Variants in BRF1 observed in about 807,000 individuals in gnomAD.
BRF1 encodes the protein BRF1 general transcription factor IIIB subunit, also known as transcription factor IIIB 90 kDa subunit.
A neutral mutation model predicts 81.7 loss-of-function variants in BRF1; 59 were observed. The observed-to-expected ratio is 0.72, with a 90% CI of 0.59 to 0.90. The LOEUF (loss-of-function observed/expected upper bound fraction) is 0.90. Ranked by LOEUF, BRF1 falls within the 40% of genes least tolerant of loss-of-function variation. The pLI, the probability that BRF1 is intolerant of heterozygous loss-of-function variation, is 0.00. For missense variants in BRF1, 1,050 were observed against 936.3 expected (o/e 1.12, Z -1.58); for synonymous variants, 491 against 395.6 (o/e 1.24, Z -2.86).
At chr14:105,293,461 C>T (rs929904631) in intron 1 of BRF1, among the ~76,000 whole-genome samples, 3 of 152,232 alleles carry the variant, frequency 2.0e-5, no homozygotes, top group African/African-American at 7.2e-5. Context: ...CTGCTCCTTG[C>T]ACAGGACGAG....
At chr14:105,214,181 C>G (rs587643561) in intron 15 of BRF1, among the ~76,000 whole-genome samples, 1 of 152,330 alleles carries the variant, frequency 6.6e-6, no homozygotes, top group African/African-American at 2.4e-5. Context: ...TGTAAGCAGG[C>G]AAGAGGGCAG....
intron 6 of BRF1, among the ~76,000 whole-genome samples, chr14:105,229,263 C>T (rs1453712070): frequency 2.0e-5 from 3 of 152,230 alleles, no homozygotes; most frequent in East Asian, 1.9e-4. Context: ...GATGCGGAGC[C>T]AGGCTGGGCA....
chr14:105,248,506 C>G (rs1428087528), intron 5 of BRF1: 11 of 977,736 alleles, frequency 1.1e-5, no homozygotes, highest in Non-Finnish European at 1.3e-5. Context: ...CGCGAGGCAG[C>G]GACGTCGCGC....
At chr14:105,313,626 G>T (rs2058416689) in intron 1 of BRF1, among the ~76,000 whole-genome samples, 2 of 152,258 alleles carry the variant, frequency 1.3e-5, no homozygotes, top group South Asian at 4.1e-4. Flanking sequence ...GGGGCACTGG[G>T]GTGGCAAGCC....
At chr14:105,211,938 G>A in intron 16 of BRF1, 175 bp downstream of exon 16, 1 of 911,844 alleles carries the variant, frequency 1.1e-6, no homozygotes, top group Non-Finnish European at 1.7e-6. Context: ...CGGCAACCGG[G>A]AGCTCCCACC....
At chr14:105,214,654 C>T (rs751218241) in intron 15 of BRF1, among the ~76,000 whole-genome samples, 7 of 152,308 alleles carry the variant, frequency 4.6e-5, no homozygotes, top group Non-Finnish European at 7.4e-5. Flanking sequence ...AGGCAGCCAC[C>T]GGCAGCCAAA....
intron 1 of BRF1, among the ~76,000 whole-genome samples, chr14:105,310,822 CAG>C (rs2058334600): frequency 6.6e-6 from 1 of 152,352 alleles, no homozygotes; most frequent in African/African-American, 2.4e-5. Context: ...CCCCATCACA[CAG>C]AGATACTTTC....
chr14:105,248,569 T>TCGGGCCGGCGGGTACGGGCTCGGGCGGG, intron 5 of BRF1: 2 of 542,156 alleles, frequency 3.7e-6, no homozygotes, highest in Non-Finnish European at 4.4e-6. Context: ...GGGTACGGGC[T>TCGGGCCGGCGGGTACGGGCTCGGGCGGG]CGGGCGGGCG....
chr14:105,217,195 G>A (rs1306688953), intron 15 of BRF1: 1 of 410,192 alleles, frequency 2.4e-6, no homozygotes, highest in African/African-American at 2.0e-5. Flanking sequence ...GCGCAGAGCA[G>A]GCACAGGGCG....
chr14:105,248,751 C>T, intron 5 of BRF1: 1 of 981,724 alleles, frequency 1.0e-6, no homozygotes, highest in Non-Finnish European at 1.2e-6. Context: ...CCGCGTCGCT[C>T]AGTGCCTGAC....
At chr14:105,267,762 C>T (rs1006883354) in intron 3 of BRF1, among the ~76,000 whole-genome samples, 1 of 152,214 alleles carries the variant, frequency 6.6e-6, no homozygotes, top group Non-Finnish European at 1.5e-5. Context: ...ACAAGGGGGC[C>T]TGGTGGCAGA....
At chr14:105,244,362 T>G (rs1396082218) in intron 5 of BRF1, among the ~76,000 whole-genome samples, 1 of 152,180 alleles carries the variant, frequency 6.6e-6, no homozygotes, top group Non-Finnish European at 1.5e-5. Flanking sequence ...GAGGATTGCT[T>G]GAGTCCAGGA....
At chr14:105,248,125 C>T in intron 5 of BRF1, 1 of 985,504 alleles carries the variant, frequency 1.0e-6, no homozygotes, top group Non-Finnish European at 1.2e-6. Flanking sequence ...GCAGCGCCTG[C>T]CCCTGTAAAG....
upstream of BRF1, among the ~76,000 whole-genome samples, chr14:105,305,936 A>G (rs1174794952): frequency 6.6e-6 from 1 of 152,254 alleles, no homozygotes; most frequent in Non-Finnish European, 1.5e-5. Context: ...GGAAACGTGC[A>G]GTGATCTCCG....
intron 6 of BRF1, 26 bp from the exon 7 acceptor site, chr14:105,228,939 T>A (rs758973891): frequency 1.9e-6 from 3 of 1,609,776 alleles, no homozygotes; most frequent in East Asian, 2.2e-5. Context: ...ACGGGCCTCG[T>A]CAACCACGGC....
At chr14:105,222,084 C>A (rs887017690) in intron 10 of BRF1, 170 bp from the exon 11 acceptor site, 11 of 743,390 alleles carry the variant, frequency 1.5e-5, no homozygotes, top group African/African-American at 1.3e-4. Context: ...TCGCACTGCA[C>A]GCGGAAGTTA....
chr14:105,228,671 A>T lies in BRF1; in HGVS notation c.788+149T>A, dbSNP rs587746662. On this transcript the variant is annotated intron_variant, in intron 7 of 17. Coordinates refer to ENST00000547530, the MANE Select transcript of BRF1 (RefSeq NM_001519.4). The stretch of plus-strand genomic sequence containing the variant: ...CAGCCCACCAGCACGTCCAAGCCAT[A>T]GTGTGACCGGGGCTGGGCTAGGTCC... 151 of 821,618 alleles carry T rather than the reference A, an allele frequency of 1.8e-4. No individual in the cohort carries two copies. In the East Asian group the frequency reaches 3.6e-3, roughly 20 times the overall value. The allele number at this position is 821,618 out of a possible 1,614,324, so 50.9% of individuals were successfully genotyped here. A position where few individuals can be genotyped will look rare whatever the true frequency, so the allele number is the denominator to read the frequency against.
In BRF1 at chr14:105,221,837, G is replaced by A. The variant is rs1892326240; in HGVS notation, c.1126C>T (p.His376Tyr). The change falls in exon 11 of 18, where the codon CAC becomes TAC. Residue 376 changes from histidine to tyrosine, a missense_variant. His to Tyr is a moderately conservative substitution (Grantham distance 83). Coordinates refer to ENST00000547530, the MANE Select transcript of BRF1 (RefSeq NM_001519.4). ...TCCCGGTATAAGTCTTTGTTCAGGT[G>A]GCTGGCCGCGGCTTCCAGCTCCTCG... ...EDEELEAAAS[H>Y]LNKDLYRELL... is the part of the protein sequence containing the mutation. 6.2e-7 allele frequency: 1 copy of A among 1,608,122 alleles called. No homozygotes were observed. Among genetic ancestry groups the A allele is most frequent in the African/African-American group, 1.3e-5 (1 of 74,828 alleles).
At chr14:105,211,847 C>T in intron 16 of BRF1, 2 of 543,936 alleles carry the variant, frequency 3.7e-6, no homozygotes, top group Non-Finnish European at 6.7e-6. Flanking sequence ...GGCACCAGGC[C>T]CACAGCAAGG....
Sources: allele counts gnomAD v4.1 joint callset (sites outside exome capture counted in the v4.1 genomes callset), GRCh38; gene constraint gnomAD v4.1.1; transcripts MANE v1.5; gene names NCBI Gene and HGNC (gene_info 2026-07-23, HGNC 2026-07-21).